CTNNA2: variants seen among roughly 807,000 people sequenced by gnomAD.
CTNNA2 encodes catenin alpha-2.
Under a neutral mutation model 101.0 loss-of-function variants are expected in CTNNA2, and 42 were observed. The ratio of observed to expected loss-of-function variants is 0.42; its 90% CI spans 0.32 to 0.54. CTNNA2 has a LOEUF of 0.54. Ranked by LOEUF, CTNNA2 falls within the 20% of genes least tolerant of loss-of-function variation. The probability of loss-of-function intolerance (pLI) is 0.14; values close to 1 mark genes in which losing one functional copy is unlikely to be tolerated. For missense variants in CTNNA2, 871 were observed against 1,223.1 expected (o/e 0.71, Z 4.29); for synonymous variants, 450 against 456.4 (o/e 0.99, Z 0.18).
chr2:80,639,096 A>C (rs993817547), intron 18 of CTNNA2, among the ~76,000 whole-genome samples: 1 of 152,214 alleles, frequency 6.6e-6, no homozygotes, highest in Admixed American at 6.5e-5. Flanking sequence ...AGAGCTGTAA[A>C]ATATTTGCTT....
At chr2:80,613,921 C>A (rs139999780) in intron 17 of CTNNA2, among the ~76,000 whole-genome samples, 2 of 151,542 alleles carry the variant, frequency 1.3e-5, no homozygotes, top group Non-Finnish European at 3.0e-5. Flanking sequence ...CTGCTTGTAA[C>A]AGCAGGAGTT....
intron 3 of CTNNA2, among the ~76,000 whole-genome samples, chr2:79,320,260 A>ATTTTTTTTT (rs34694986): frequency 8.3e-6 from 1 of 119,782 alleles, no homozygotes; most frequent in African/African-American, 3.2e-5. Context: ...TTACGTTTCA[A>ATTTTTTTTT]TTTTTTTTTT....
chr2:80,264,504 T>G (rs1672857785), intron 7 of CTNNA2, among the ~76,000 whole-genome samples: 1 of 152,172 alleles, frequency 6.6e-6, no homozygotes, highest in Non-Finnish European at 1.5e-5. Context: ...GACTGCATTA[T>G]TCATTGGTGA....
chr2:80,584,135 T>C (rs1204013559), intron 14 of CTNNA2, among the ~76,000 whole-genome samples: 5 of 152,078 alleles, frequency 3.3e-5, no homozygotes, highest in Non-Finnish European at 7.4e-5. Flanking sequence ...ACCAGCAAAG[T>C]GTGCTAAGTT....
intron 3 of CTNNA2, among the ~76,000 whole-genome samples, chr2:79,334,293 A>G (rs1282173614): frequency 6.6e-6 from 1 of 152,242 alleles, no homozygotes; most frequent in East Asian, 1.9e-4. Context: ...AGGTCATAAA[A>G]CTATGCTGGC....
Position 79,915,326 on chromosome 2 carries a change from CACACAT to C in CTNNA2, c.1056+5530_1056+5535del, listed in dbSNP as rs923489339. Among the ~76,000 whole-genome samples the C allele has an allele frequency of 3.2e-5, 4 of 126,770 alleles. No homozygotes were observed. The East Asian group carries it at 1.1e-3, about 34-fold the overall frequency. 83.2% of individuals were successfully genotyped at this position (126,770 alleles called of 152,430 possible). ...ACACAAACACACACACACACACACA[CACACAT>C]TACACTTTGCTTATTTTTTATAAAA... is the stretch of plus-strand genomic sequence containing the variant. On this transcript the variant is annotated intron_variant, in intron 7 of 18. Transcript: ENST00000402739.
intron 3 of CTNNA2, among the ~76,000 whole-genome samples, chr2:79,339,408 A>G (rs1433541542): frequency 1.3e-5 from 2 of 152,202 alleles, no homozygotes; most frequent in South Asian, 2.1e-4. Context: ...TTGTCACCAT[A>G]AGTGCCTGAT....
At chr2:79,603,313 A>G (rs1677668074) in intron 1 of CTNNA2, among the ~76,000 whole-genome samples, 1 of 152,202 alleles carries the variant, frequency 6.6e-6, no homozygotes, top group African/African-American at 2.4e-5. Context: ...TAGAAGATAA[A>G]TCCTTAAGAT....
intron 7 of CTNNA2, among the ~76,000 whole-genome samples, chr2:80,313,042 TA>T (rs761566662): frequency 3.9e-5 from 6 of 152,210 alleles, no homozygotes; most frequent in Admixed American, 1.3e-4. Flanking sequence ...AAATTAAATA[TA>T]AAAACCTCTA....
intron 3 of CTNNA2, among the ~76,000 whole-genome samples, chr2:79,336,491 TGTTACACAGCA>T (rs1676997531): frequency 6.6e-6 from 1 of 152,198 alleles, no homozygotes; most frequent in African/African-American, 2.4e-5. Flanking sequence ...TGCCCTCAGC[TGTTACACAGCA>T]CTCAGATGGA....
In CTNNA2 at chr2:80,038,427, A is replaced by C. The variant is rs77303471; in HGVS notation, c.1056+128630A>C. On this transcript the variant is annotated intron_variant, in intron 7 of 18. Transcript: ENST00000402739. Reference sequence around the variant, plus strand: ...GTTCTCTCTAGCTGATCAAAAGTAAAATTAAATGTGAGGCCGGGCGCGGTG... The same window carrying C: ...GTTCTCTCTAGCTGATCAAAAGTAACATTAAATGTGAGGCCGGGCGCGGTG... Among the ~76,000 whole-genome samples, 686 of 152,256 alleles carry C rather than the reference A, an allele frequency of 4.5e-3. 7 individuals are homozygous for C. The highest frequency in any genetic ancestry group is 0.015 in the African/African-American group (637 of 41,546).
intron 7 of CTNNA2, among the ~76,000 whole-genome samples, chr2:80,300,508 A>G (rs1676185851): frequency 6.6e-6 from 1 of 152,136 alleles, no homozygotes; most frequent in Admixed American, 6.6e-5. Flanking sequence ...TCTGCATTTC[A>G]AAAAGCTGAT....
chr2:79,809,193 T>C (rs1175040441), intron 3 of CTNNA2, among the ~76,000 whole-genome samples: 1 of 152,174 alleles, frequency 6.6e-6, no homozygotes, highest in Non-Finnish European at 1.5e-5. Flanking sequence ...CTACCATTCA[T>C]GGGCGTTTGG....
chr2:79,684,731 G>A (rs4852510), intron 2 of CTNNA2, among the ~76,000 whole-genome samples: 57,443 of 151,940 alleles, frequency 0.38, 11,483 homozygotes, highest in Admixed American at 0.45. Context: ...TTGGACCATT[G>A]TTCATTGATT....
chr2:79,848,543 C>T (rs1467149292), intron 3 of CTNNA2, among the ~76,000 whole-genome samples: 1 of 152,190 alleles, frequency 6.6e-6, no homozygotes, highest in Non-Finnish European at 1.5e-5. Context: ...ACACCCTCTT[C>T]TCCCAACCCA....
At chr2:80,272,707 G>T (rs1673593917) in intron 7 of CTNNA2, among the ~76,000 whole-genome samples, 1 of 152,118 alleles carries the variant, frequency 6.6e-6, no homozygotes, top group Non-Finnish European at 1.5e-5. Context: ...TCAGATAGTT[G>T]TTTATTATAT....
chr2:80,009,564 T>A (rs1479721768), intron 7 of CTNNA2, among the ~76,000 whole-genome samples: 2 of 152,286 alleles, frequency 1.3e-5, no homozygotes, highest in Middle Eastern at 3.4e-3. Context: ...TGAAAATATA[T>A]GCACATTCAC....
intron 7 of CTNNA2, among the ~76,000 whole-genome samples, chr2:79,998,174 A>C (rs1048969681): frequency 5.3e-5 from 8 of 152,220 alleles, no homozygotes; most frequent in South Asian, 4.1e-4. Context: ...GAAGAATAGT[A>C]TGGAGGCCAT....
rs114088993 is a variant in CTNNA2, at chr2:80,372,142, A to G, written c.1057-21069A>G. ...AACAAATTCATGCAGGTGTGAGATG[A>G]TTGGATTTATGGATGATAATTAGCT... On this transcript the variant is annotated intron_variant, in intron 7 of 18. Coordinates refer to ENST00000402739, the MANE Select transcript of CTNNA2 (RefSeq NM_001282597.3). Among the ~76,000 whole-genome samples, 918 of 152,228 alleles carry G rather than the reference A, an allele frequency of 6.0e-3. 12 individuals carry two copies. The highest frequency in any genetic ancestry group is 6.1e-3 in the Non-Finnish European group (413 of 67,990).
Sources: allele counts gnomAD v4.1 joint callset (sites outside exome capture counted in the v4.1 genomes callset), GRCh38; gene constraint gnomAD v4.1.1; transcripts MANE v1.5; gene names NCBI Gene and HGNC (gene_info 2026-07-23, HGNC 2026-07-21).